NRG3: variants seen among roughly 807,000 people sequenced by gnomAD.
NRG3 encodes neuregulin 3.
A neutral mutation model predicts 66.9 loss-of-function variants in NRG3; 31 were observed. The observed-to-expected ratio is 0.46, with a 90% confidence interval of 0.35 to 0.63. NRG3 has a LOEUF of 0.63. Ranked by LOEUF, NRG3 falls within the 20% of genes least tolerant of loss-of-function variation. The pLI is 0.00. For synonymous variants in NRG3, 393 were observed against 359.4 expected, an observed-to-expected ratio of 1.09 and a Z score of -1.06; for missense variants, 910 against 878.9, an observed-to-expected ratio of 1.04 and a Z score of -0.45.
At chr10:82,501,047 T>A (rs565515241) in intron 2 of NRG3, among the ~76,000 whole-genome samples, 1 of 152,136 alleles carries the variant, frequency 6.6e-6, no homozygotes, top group Non-Finnish European at 1.5e-5. Flanking sequence ...AATTTGAACA[T>A]ATTGTGTCTG....
At chr10:82,780,458 C>A (rs372526123) in intron 3 of NRG3, among the ~76,000 whole-genome samples, 118 of 148,534 alleles carry the variant, frequency 7.9e-4, no homozygotes, top group African/African-American at 2.8e-3. Context: ...CTCAGCATTG[C>A]GCCTCTTTTT....
chr10:82,961,779 G>A (rs1335143461), intron 6 of NRG3, among the ~76,000 whole-genome samples: 2 of 152,148 alleles, frequency 1.3e-5, no homozygotes, highest in African/African-American at 4.8e-5. Context: ...ATGGGACCAT[G>A]GGGAAGTTCT....
chr10:82,455,769 C>T (rs2091240856), intron 2 of NRG3, among the ~76,000 whole-genome samples: 1 of 151,918 alleles, frequency 6.6e-6, no homozygotes, highest in Admixed American at 6.6e-5. Context: ...TGCCCACCAC[C>T]ATGCCCGGCT....
intron 1 of NRG3, among the ~76,000 whole-genome samples, chr10:82,258,289 G>A (rs2077841828): frequency 6.6e-6 from 1 of 152,108 alleles, no homozygotes; most frequent in African/African-American, 2.4e-5. Flanking sequence ...ATTTTTAGGT[G>A]TCCTCTGTTT....
chr10:82,982,151 G>A (rs1049183714), intron 8 of NRG3, among the ~76,000 whole-genome samples: 1 of 152,092 alleles, frequency 6.6e-6, no homozygotes, highest in South Asian at 2.1e-4. Flanking sequence ...CTAATTTTAT[G>A]GCTTCAGAGG....
chr10:82,436,471 G>A (rs546756627), intron 2 of NRG3, among the ~76,000 whole-genome samples: 1 of 152,206 alleles, frequency 6.6e-6, no homozygotes, highest in Admixed American at 6.5e-5. Flanking sequence ...ACACCAATGG[G>A]TCTTGACTCC....
chr10:82,296,764 A>G (rs563793850), intron 1 of NRG3, among the ~76,000 whole-genome samples: 1 of 151,980 alleles, frequency 6.6e-6, no homozygotes, highest in Non-Finnish European at 1.5e-5. Flanking sequence ...TATTCCTTCT[A>G]TATGAGTGTA....
intron 1 of NRG3, among the ~76,000 whole-genome samples, chr10:82,026,920 T>C (rs2062340208): frequency 1.3e-5 from 2 of 152,194 alleles, no homozygotes; most frequent in African/African-American, 4.8e-5. Context: ...TCTTGGCTTT[T>C]CATTTTTATA....
chr10:82,153,666 T>A (rs1469430696), intron 1 of NRG3, among the ~76,000 whole-genome samples: 1 of 152,076 alleles, frequency 6.6e-6, no homozygotes, highest in African/African-American at 2.4e-5. Flanking sequence ...CTACACTAAT[T>A]TACATTTCTA....
In NRG3 at chr10:81,937,765, CT is replaced by C. The variant is rs564432354; in HGVS notation, c.823+61603del. ...TCAAGTTTGATGTAATCCCATTTGT[CT>C]GTTTTACTATTGCTGCCTGTGCTTT... is the stretch of plus-strand genomic sequence containing the variant. On this transcript the variant is annotated intron_variant, in intron 1 of 8. Coordinates refer to ENST00000372141, the MANE Select transcript of NRG3 (RefSeq NM_001010848.4). Among the ~76,000 whole-genome samples, 4 of 152,174 alleles carry C rather than the reference CT, an allele frequency of 2.6e-5. No individual in the cohort carries two copies. The East Asian group carries it at 7.7e-4, about 29-fold the overall frequency.
At chr10:82,593,005 A>C (rs906309334) in intron 2 of NRG3, among the ~76,000 whole-genome samples, 6 of 152,182 alleles carry the variant, frequency 3.9e-5, no homozygotes, top group African/African-American at 1.4e-4. Context: ...ATATACAAAA[A>C]ATTACACAAT....
Position 82,794,823 on chromosome 10 carries a change from C to T in NRG3, c.1027+56173C>T, listed in dbSNP as rs1591546193. ...GCTACCATCGATCTACACTCTAACT[C>T]TCTTCCTCCATCAACCTTTACATCC... is the stretch of plus-strand genomic sequence containing the variant. On this transcript the variant is annotated intron_variant, in intron 3 of 8. Coordinates refer to ENST00000372141, the MANE Select transcript of NRG3 (RefSeq NM_001010848.4). 2.0e-5 allele frequency among the ~76,000 whole-genome samples: 3 copies of T among 152,284 alleles called. No homozygotes were observed. The Middle Eastern group carries it at 0.01, about 518-fold the overall frequency.
intron 1 of NRG3, among the ~76,000 whole-genome samples, chr10:81,999,910 G>A (rs1359075612): frequency 1.3e-5 from 2 of 152,156 alleles, no homozygotes; most frequent in African/African-American, 4.8e-5. Flanking sequence ...AGTATTTTTA[G>A]ATAGTTGCCT....
At chr10:82,379,987 A>G (rs2085506516) in intron 2 of NRG3, among the ~76,000 whole-genome samples, 1 of 152,022 alleles carries the variant, frequency 6.6e-6, no homozygotes, top group African/African-American at 2.4e-5. Flanking sequence ...CTCAAATGCA[A>G]TTTTATAATA....
At chr10:82,106,659 C>A (rs1266816474) in intron 1 of NRG3, among the ~76,000 whole-genome samples, 1 of 151,968 alleles carries the variant, frequency 6.6e-6, no homozygotes, top group African/African-American at 2.4e-5. Flanking sequence ...GCGCGCACCA[C>A]CATGCCCAGC....
Position 82,973,811 on chromosome 10 carries a change from T to C in NRG3, c.1308T>C (p.Pro436=). ...AGTATTCAAAGGTGGAAAGGCATCC[T>C]GTGACTGCATTGGAGAAAATGATGG... ...LQNYSKVERH[P]VTALEKMMES... The change falls in exon 7 of 9, where the codon CCT becomes CCC. Residue 436 remains proline (P), a synonymous_variant. Transcript: ENST00000372141. 3 of 1,614,040 alleles carry C rather than the reference T, an allele frequency of 1.9e-6. No homozygotes were observed. The highest frequency in any genetic ancestry group is 2.5e-6 in the Non-Finnish European group (3 of 1,179,888).
At chr10:82,037,074 C>T (rs1196523755) in intron 1 of NRG3, among the ~76,000 whole-genome samples, 2 of 152,104 alleles carry the variant, frequency 1.3e-5, no homozygotes, top group Non-Finnish European at 2.9e-5. Flanking sequence ...TCCAAGATGA[C>T]AGTGCCCCTC....
At chr10:82,262,111 A>G (rs971282119) in intron 1 of NRG3, among the ~76,000 whole-genome samples, 3 of 152,202 alleles carry the variant, frequency 2.0e-5, no homozygotes, top group African/African-American at 7.2e-5. Context: ...CCATGAGCGA[A>G]CTAAACCTCT....
intron 2 of NRG3, among the ~76,000 whole-genome samples, chr10:82,472,701 C>T (rs533525818): frequency 9.2e-5 from 14 of 152,310 alleles, no homozygotes; most frequent in Non-Finnish European, 1.9e-4. Flanking sequence ...TTCCCCTTTT[C>T]TTTCTTCTCT....
Sources: gnomAD v4.1 joint callset for allele counts (sites outside exome capture counted in the v4.1 genomes callset) on GRCh38, gnomAD v4.1.1 for gene constraint, MANE v1.5 for transcripts, NCBI Gene and HGNC (gene_info 2026-07-23, HGNC 2026-07-21) for gene names.